SYT9: variants seen among roughly 807,000 people sequenced by gnomAD.
SYT9 encodes synaptotagmin-9.
A neutral mutation model predicts 48.4 loss-of-function variants in SYT9; 22 were observed. That is an observed-to-expected ratio of 0.45 (90% CI 0.32 to 0.65). The LOEUF (loss-of-function observed/expected upper bound fraction) is 0.65. SYT9 is among the 30% of genes least tolerant of loss of function. The pLI, the probability that SYT9 is intolerant of heterozygous loss-of-function variation, is 0.03. For synonymous variants in SYT9, 265 were observed against 245.0 expected (o/e 1.08, Z -0.76); for missense variants, 577 against 622.0 (o/e 0.93, Z 0.77).
At chr11:7,422,389 T>C (rs761581536) in intron 6 of SYT9, among the ~76,000 whole-genome samples, 1 of 152,108 alleles carries the variant, frequency 6.6e-6, no homozygotes, top group Non-Finnish European at 1.5e-5. Flanking sequence ...AGGAGCAAAA[T>C]TGATCCCTAA....
intron 1 of SYT9, among the ~76,000 whole-genome samples, chr11:7,277,352 G>A (rs535164328): frequency 1.2e-4 from 19 of 152,168 alleles, no homozygotes; most frequent in Non-Finnish European, 2.2e-4. Context: ...TCTGCAAAAT[G>A]TGAATTCATT....
At chr11:7,433,022 G>C (rs113137871) in intron 6 of SYT9, among the ~76,000 whole-genome samples, 2 of 151,732 alleles carry the variant, frequency 1.3e-5, no homozygotes, top group African/African-American at 4.8e-5. Flanking sequence ...TTGGAGGCAG[G>C]ACCTGGTGAG....
intron 3 of SYT9, among the ~76,000 whole-genome samples, chr11:7,342,584 G>T (rs536914133): frequency 1.9e-3 from 289 of 152,298 alleles, no homozygotes; most frequent in Middle Eastern, 3.4e-3. Flanking sequence ...GCTTTGCAGG[G>T]TACAGCCTCC....
chr11:7,391,134 G>A (rs962095734), intron 3 of SYT9, among the ~76,000 whole-genome samples: 19 of 152,224 alleles, frequency 1.2e-4, no homozygotes, highest in African/African-American at 4.6e-4. Flanking sequence ...AACGGCATTT[G>A]TGTTTCTGTA....
chr11:7,276,776 A>C (rs1848400627), intron 1 of SYT9, among the ~76,000 whole-genome samples: 1 of 152,164 alleles, frequency 6.6e-6, no homozygotes, highest in South Asian at 2.1e-4. Flanking sequence ...AGCCAGGCAC[A>C]GTGGCACATG....
chr11:7,264,868 C>T (rs917852672), intron 1 of SYT9, among the ~76,000 whole-genome samples: 1 of 152,088 alleles, frequency 6.6e-6, no homozygotes, highest in Non-Finnish European at 1.5e-5. Context: ...CAACTGGGCT[C>T]TCCCAGGAAT....
intron 3 of SYT9, among the ~76,000 whole-genome samples, chr11:7,413,405 C>G (rs974450701): frequency 6.6e-6 from 1 of 152,222 alleles, no homozygotes; most frequent in African/African-American, 2.4e-5. Context: ...CATGAGCTCC[C>G]TCTTTGAAGC....
chr11:7,256,376 T>C (rs762071433), intron 1 of SYT9, among the ~76,000 whole-genome samples: 27 of 152,184 alleles, frequency 1.8e-4, no homozygotes, highest in Non-Finnish European at 3.5e-4. Flanking sequence ...ATCTGTATAT[T>C]AACAGGATCC....
intron 6 of SYT9, among the ~76,000 whole-genome samples, chr11:7,432,580 A>AT (rs1847617485): frequency 1.3e-3 from 8 of 6,176 alleles, no homozygotes; most frequent in Non-Finnish European, 1.7e-3. Flanking sequence ...AAAAAAAAAA[A>AT]AAATATATAT....
chr11:7,365,444 C>T (rs957937331), intron 3 of SYT9, among the ~76,000 whole-genome samples: 4 of 152,046 alleles, frequency 2.6e-5, no homozygotes, highest in African/African-American at 4.8e-5. Context: ...GTTCTGATAT[C>T]GTGTGCATTT....
intron 1 of SYT9, among the ~76,000 whole-genome samples, chr11:7,266,507 A>G (rs1027831093): frequency 1.3e-5 from 2 of 152,098 alleles, no homozygotes; most frequent in Admixed American, 6.6e-5. Context: ...CTCTGGGGGA[A>G]AATCTAATCC....
chr11:7,434,208 C>T (rs1269260221), intron 6 of SYT9, among the ~76,000 whole-genome samples: 4 of 152,284 alleles, frequency 2.6e-5, no homozygotes, highest in South Asian at 2.1e-4. Flanking sequence ...AGAGAATTAT[C>T]GGCTTGCAGT....
chr11:7,313,840 C>T lies in SYT9; in HGVS notation c.943C>T (p.Arg315Cys), dbSNP rs1207342243. 8.1e-6 allele frequency: 13 copies of T among 1,614,198 alleles called. No individual in the cohort carries two copies. The highest frequency in any genetic ancestry group is 1.7e-5 in the Admixed American group (1 of 60,030). The change falls in exon 3 of 7, where the codon CGT becomes TGT. Residue 315 changes from arginine (R) to cysteine (C), a missense_variant. Arg to Cys is a radical substitution (Grantham distance 180). Coordinates refer to ENST00000318881, the MANE Select transcript of SYT9 (RefSeq NM_175733.4). Reference protein sequence around the residue: ...FSVYDFDRFSRHDLIGQVVVD... With the variant: ...FSVYDFDRFSCHDLIGQVVVD... ...TGTGTACGACTTTGACAGGTTCTCTCGTCATGACTTAATCGGCCAAGTGGT... is the reference window on the plus strand; with the variant it reads ...TGTGTACGACTTTGACAGGTTCTCTTGTCATGACTTAATCGGCCAAGTGGT...
At chr11:7,363,910 T>G (rs534469273) in intron 3 of SYT9, among the ~76,000 whole-genome samples, 3 of 152,126 alleles carry the variant, frequency 2.0e-5, no homozygotes, top group African/African-American at 7.2e-5. Context: ...GTCAAAGATA[T>G]GGAATTAGAG....
intron 3 of SYT9, among the ~76,000 whole-genome samples, chr11:7,324,588 G>A (rs1407896991): frequency 6.6e-6 from 1 of 151,822 alleles, no homozygotes; most frequent in East Asian, 1.9e-4. Context: ...TTGATATTTA[G>A]TGTTTTCATT....
chr11:7,391,670 G>T (rs1024391958), intron 3 of SYT9, among the ~76,000 whole-genome samples: 9 of 143,534 alleles, frequency 6.3e-5, no homozygotes, highest in African/African-American at 2.3e-4. Flanking sequence ...GAAGGCCAAG[G>T]TAGTCAGGTG....
intron 6 of SYT9, among the ~76,000 whole-genome samples, chr11:7,442,384 C>T (rs961783317): frequency 6.6e-6 from 1 of 152,182 alleles, no homozygotes; most frequent in Admixed American, 6.5e-5. Context: ...GGTGTCAGAC[C>T]CGTCTTTCGG....
intron 1 of SYT9, among the ~76,000 whole-genome samples, chr11:7,294,242 T>C (rs1013397793): frequency 6.6e-6 from 1 of 152,138 alleles, no homozygotes; most frequent in Non-Finnish European, 1.5e-5. Context: ...ACATATGAAT[T>C]TGGGGGGGAC....
chr11:7,241,289 A>G (rs370472373), intron 1 of SYT9, among the ~76,000 whole-genome samples: 2 of 152,032 alleles, frequency 1.3e-5, no homozygotes, highest in East Asian at 3.9e-4. Flanking sequence ...ATCTATATGA[A>G]AAGGAGTGAA....
Sources: gnomAD v4.1 joint callset for allele counts (sites outside exome capture counted in the v4.1 genomes callset) on GRCh38, gnomAD v4.1.1 for gene constraint, MANE v1.5 for transcripts, NCBI Gene and HGNC (gene_info 2026-07-23, HGNC 2026-07-21) for gene names.